DAAM1: variants seen among roughly 807,000 people sequenced by gnomAD.
DAAM1 encodes the protein dishevelled associated activator of morphogenesis 1.
Under a neutral mutation model 130.0 loss-of-function variants are expected in DAAM1, and 52 were observed. That is an observed-to-expected ratio of 0.40 (90% CI 0.32 to 0.50). The LOEUF is 0.50. DAAM1 is among the 20% of genes least tolerant of loss of function. DAAM1 has a pLI of 0.61. For missense variants in DAAM1, 1,134 were observed against 1,303.8 expected, an observed-to-expected ratio of 0.87 and a Z score of 2.01; for synonymous variants, 452 against 444.5, an observed-to-expected ratio of 1.02 and a Z score of -0.21.
chr14:59,326,886 G>T, intron 11 of DAAM1, 47 bp from the exon 12 acceptor site: 1 of 1,609,360 alleles, frequency 6.2e-7, no homozygotes. Flanking sequence ...GTTAGCAGTG[G>T]ACCTTTTATA....
chr14:59,290,660 C>T (rs186782913), intron 2 of DAAM1, among the ~76,000 whole-genome samples: 77 of 152,312 alleles, frequency 5.1e-4, no homozygotes, highest in Non-Finnish European at 9.4e-4. Flanking sequence ...TATTCACTCC[C>T]TACCTCTCCA....
chr14:59,274,088 T>C (rs370038716), intron 2 of DAAM1, among the ~76,000 whole-genome samples: 4 of 152,198 alleles, frequency 2.6e-5, no homozygotes, highest in Non-Finnish European at 4.4e-5. Context: ...CTTTTAGTTA[T>C]GATTTTCGGG....
intron 10 of DAAM1, 107 bp from the exon 11 acceptor site, chr14:59,326,403 A>G: frequency 8.8e-7 from 1 of 1,136,850 alleles, no homozygotes; most frequent in Non-Finnish European, 1.2e-6. Context: ...CAGATGTTAT[A>G]AACATCTCTG....
At chr14:59,258,868 C>G (rs1401234555) in intron 1 of DAAM1, among the ~76,000 whole-genome samples, 1 of 152,184 alleles carries the variant, frequency 6.6e-6, no homozygotes, top group Non-Finnish European at 1.5e-5. Flanking sequence ...TACAAATTAC[C>G]TGTCAAAGGC....
In DAAM1 at chr14:59,340,147, G is replaced by A. The variant is rs758034830; in HGVS notation, c.2042G>A (p.Arg681Gln). 10 of 1,613,246 alleles carry A rather than the reference G, an allele frequency of 6.2e-6. No homozygotes were observed. The highest frequency in any genetic ancestry group is 2.2e-5 in the East Asian group (1 of 44,870). The change falls in exon 16 of 25, where the codon CGG becomes CAG. Residue 681 changes from arginine (R) to glutamine (Q), a missense_variant. Coordinates refer to ENST00000360909, the MANE Select transcript of DAAM1 (RefSeq NM_001270520.2). ...AAAGAGCTTTCGGTGATTGATGGTC[G>A]GAGAGCTCAGAATTGCAACATCCTT... ...KVKELSVIDG[R>Q]RAQNCNILLS...
intron 2 of DAAM1, among the ~76,000 whole-genome samples, chr14:59,268,910 T>C (rs1882584712): frequency 6.6e-6 from 1 of 152,210 alleles, no homozygotes; most frequent in Non-Finnish European, 1.5e-5. Flanking sequence ...AGTCTTAAAT[T>C]ATCTCAGCCA....
chr14:59,342,930 A>G (rs1264341328), intron 16 of DAAM1, among the ~76,000 whole-genome samples: 1 of 152,200 alleles, frequency 6.6e-6, no homozygotes, highest in East Asian at 1.9e-4. Context: ...GAGCCCTGCA[A>G]TCCCGGCAGA....
chr14:59,192,925 T>C (rs905379514), intron 1 of DAAM1, among the ~76,000 whole-genome samples: 1 of 152,132 alleles, frequency 6.6e-6, no homozygotes, highest in Non-Finnish European at 1.5e-5. Flanking sequence ...TGGTGGCGGG[T>C]GCCTGTAGTC....
At chr14:59,310,287 ATT>A (rs1474714332) in intron 3 of DAAM1, among the ~76,000 whole-genome samples, 2 of 151,446 alleles carry the variant, frequency 1.3e-5, no homozygotes, top group Non-Finnish European at 2.9e-5. Flanking sequence ...CTTTTTTAAA[ATT>A]ATTATTATTT....
chr14:59,315,174 A>G (rs1884738988), intron 3 of DAAM1, 106 bp from the exon 4 acceptor site: 1 of 978,992 alleles, frequency 1.0e-6, no homozygotes, highest in East Asian at 2.4e-5. Context: ...CGTGTCTTCT[A>G]AAGGCTTGAG....
At chr14:59,220,372 G>C (rs1888731894) in intron 1 of DAAM1, among the ~76,000 whole-genome samples, 1 of 151,998 alleles carries the variant, frequency 6.6e-6, no homozygotes, top group Admixed American at 6.6e-5. Context: ...ATTGTTGTTT[G>C]GTCTTATTTT....
chr14:59,190,114 A>C (rs975388911), intron 1 of DAAM1, among the ~76,000 whole-genome samples: 2 of 151,902 alleles, frequency 1.3e-5, no homozygotes, highest in African/African-American at 4.8e-5. Context: ...GCTGGGAGGG[A>C]GTGGCTAGTG....
chr14:59,308,808 G>T (rs560533680), intron 3 of DAAM1, among the ~76,000 whole-genome samples: 8 of 152,192 alleles, frequency 5.3e-5, no homozygotes, highest in Non-Finnish European at 1.2e-4. Flanking sequence ...TCATCATTCA[G>T]TCTTTCCAGA....
At chr14:59,356,647 G>A (rs1478417428) in intron 20 of DAAM1, among the ~76,000 whole-genome samples, 2 of 152,162 alleles carry the variant, frequency 1.3e-5, no homozygotes, top group Non-Finnish European at 2.9e-5. Context: ...GTTGAAGTAG[G>A]GAATGGAAGA....
At position 59,347,573 on chromosome 14, in the gene DAAM1, A is replaced by T. The variant is rs746060506; in HGVS notation, c.2110A>T (p.Ile704Phe). Residue 704 changes from isoleucine to phenylalanine, a missense_variant, in exon 17 of 25, where the codon ATT (isoleucine) becomes TTT (phenylalanine). Around this residue, in one of 3 missense-constraint regions of DAAM1, gnomAD observed 644 missense variants for 695.9 expected, o/e 0.93. Coordinates refer to ENST00000360909, the MANE Select transcript of DAAM1 (RefSeq NM_001270520.2). ...ATCCAATGACGAAATCAAACGGGCA[A>T]TTCTAACAATGGACGAACAGGAAGA... ...KLSNDEIKRA[I>F]LTMDEQEDLP... 7 of 1,613,854 alleles carry T rather than the reference A, an allele frequency of 4.3e-6. No individual in the cohort carries two copies. The East Asian group carries it at 1.1e-4, about 26-fold the overall frequency.
intron 1 of DAAM1, among the ~76,000 whole-genome samples, chr14:59,232,523 A>G (rs993834034): frequency 1.2e-4 from 18 of 152,150 alleles, no homozygotes; most frequent in African/African-American, 3.9e-4. Flanking sequence ...ACCCTGAAAC[A>G]GTCTTCTGTT....
rs1356769377 is a variant in DAAM1 at position 59,325,989 on chromosome 14, G to C, written c.1086G>C (p.Gln362His). The C allele has an allele frequency of 1.2e-6, 2 of 1,614,168 alleles. No individual in the cohort carries two copies. Among genetic ancestry groups the C allele is most frequent in the Non-Finnish European group, 1.7e-6 (2 of 1,180,008 alleles). ...LVHIDTKSAT[Q>H]MFELTRKRLT... ...ACATAGACACAAAAAGTGCAACTCA[G>C]ATGTTTGAGCTGACCAGGAAGAGGC... Residue 362 changes from glutamine to histidine, a missense_variant, in exon 10 of 25, where the codon CAG (glutamine) becomes CAC (histidine). By Grantham distance (24) the Gln-to-His change is conservative. Around this residue, in one of 3 missense-constraint regions of DAAM1, gnomAD observed 391 missense variants for 521.6 expected, o/e 0.75. Transcript: ENST00000360909.
At chr14:59,237,641 C>A (rs897838481) in intron 1 of DAAM1, among the ~76,000 whole-genome samples, 7 of 152,056 alleles carry the variant, frequency 4.6e-5, no homozygotes, top group Admixed American at 2.6e-4. Flanking sequence ...ATATTTTGTG[C>A]CAGGATTGAT....
At chr14:59,235,072 G>A (rs760138697) in intron 1 of DAAM1, among the ~76,000 whole-genome samples, 1 of 152,018 alleles carries the variant, frequency 6.6e-6, no homozygotes, top group Non-Finnish European at 1.5e-5. Context: ...TTTTTGTCTC[G>A]ATGTTCATCA....
Sources: allele counts gnomAD v4.1 joint callset (sites outside exome capture counted in the v4.1 genomes callset), GRCh38; gene constraint gnomAD v4.1.1; regional missense constraint gnomAD v4.1.1; transcripts MANE v1.5; gene names NCBI Gene and HGNC (gene_info 2026-07-23, HGNC 2026-07-21).